RTN1: variants seen among roughly 807,000 people sequenced by gnomAD.
RTN1 encodes reticulon-1.
RTN1 carries 25 observed loss-of-function variants against 65.5 expected under a neutral mutation model. The observed-to-expected ratio is 0.38, with a 90% CI of 0.28 to 0.53. The LOEUF is 0.53. RTN1 is among the 20% of genes least tolerant of loss of function. RTN1 has a pLI of 0.79. For missense variants in RTN1, 983 were observed against 1,025.4 expected (o/e 0.96, Z 0.57); for synonymous variants, 471 against 447.6 (o/e 1.05, Z -0.66).
At chr14:59,667,148 C>G (rs1248208759) in intron 3 of RTN1, among the ~76,000 whole-genome samples, 1 of 126,546 alleles carries the variant, frequency 7.9e-6, no homozygotes, top group African/African-American at 3.1e-5. Context: ...CTGGCAAAGA[C>G]ACAACAAAAA....
intron 3 of RTN1, among the ~76,000 whole-genome samples, chr14:59,640,040 AG>A (rs934970464): frequency 6.6e-6 from 1 of 152,096 alleles, no homozygotes; most frequent in African/African-American, 2.4e-5. Flanking sequence ...TTTTTGTATT[AG>A]GTTTATACTG....
At chr14:59,852,970 G>T (rs1211557318) in intron 1 of RTN1, among the ~76,000 whole-genome samples, 3 of 152,092 alleles carry the variant, frequency 2.0e-5, no homozygotes, top group Non-Finnish European at 2.9e-5. Context: ...TATATTAAAC[G>T]CTTAATAAAT....
intron 1 of RTN1, among the ~76,000 whole-genome samples, chr14:59,855,846 G>A (rs1453237231): frequency 6.6e-6 from 1 of 152,156 alleles, no homozygotes; most frequent in Non-Finnish European, 1.5e-5. Flanking sequence ...TCAGAAAGGT[G>A]GAAGTCTAGG....
chr14:59,671,622 A>C (rs1234459647), intron 3 of RTN1, among the ~76,000 whole-genome samples: 4 of 152,198 alleles, frequency 2.6e-5, no homozygotes, highest in Non-Finnish European at 5.9e-5. Flanking sequence ...GGTAGAATCA[A>C]GTTTCAGACC....
intron 1 of RTN1, among the ~76,000 whole-genome samples, chr14:59,830,726 G>T (rs1309569571): frequency 6.6e-6 from 1 of 152,136 alleles, no homozygotes; most frequent in African/African-American, 2.4e-5. Flanking sequence ...ACATCTCTGT[G>T]CCTTAATTTT....
intron 3 of RTN1, among the ~76,000 whole-genome samples, chr14:59,671,125 G>A (rs886689797): frequency 1.3e-5 from 2 of 152,132 alleles, no homozygotes; most frequent in African/African-American, 4.8e-5. Context: ...GGAGGAGGGA[G>A]GGTTGTTATG....
intron 3 of RTN1, among the ~76,000 whole-genome samples, chr14:59,639,875 A>T (rs1346379937): frequency 6.6e-6 from 1 of 152,174 alleles, no homozygotes; most frequent in Non-Finnish European, 1.5e-5. Context: ...ATAACCTCAC[A>T]TGGCTTCTAT....
chr14:59,658,278 TCCCTGCAACAGAGCACCTGGGAGAA>T (rs1883167833), intron 3 of RTN1, among the ~76,000 whole-genome samples: 1 of 152,188 alleles, frequency 6.6e-6, no homozygotes, highest in Non-Finnish European at 1.5e-5. Context: ...AACTCCCAGT[TCCCTGCAACAGAGCACCTGGGAGAA>T]GGGGTGGCTG....
intron 8 of RTN1, 22 bp from the exon 9 acceptor site, chr14:59,596,809 G>A: frequency 1.3e-6 from 2 of 1,596,442 alleles, no homozygotes; most frequent in Admixed American, 1.7e-5. Flanking sequence ...GTATCAAAAG[G>A]TAGTAAATCA....
rs543514608 is a variant in RTN1 at position 59,870,678 on chromosome 14, C to A, written c.-48G>T. On this transcript the variant is annotated 5_prime_UTR_variant, in exon 1 of 9. Transcript: ENST00000267484. The surrounding 1 kb of genome is among the most constrained non-coding windows in gnomAD (Gnocchi z 5.1). ...CGACGGCGGCTTGGCTGGGCAGAGG[C>A]TCGGTGGCTGCGCGGGCGCTCCCTG... 4 of 1,316,964 alleles carry A rather than the reference C, an allele frequency of 3.0e-6. No individual in the cohort carries two copies. In the African/African-American group the frequency reaches 6.2e-5, roughly 20 times the overall value. 81.6% of individuals were successfully genotyped at this position (1,316,964 alleles called of 1,614,324 possible). A position where few individuals can be genotyped will look rare whatever the true frequency, so the allele number is the denominator to read the frequency against.
chr14:59,624,618 C>A (rs1006028361), intron 3 of RTN1, among the ~76,000 whole-genome samples: 1 of 152,138 alleles, frequency 6.6e-6, no homozygotes, highest in Non-Finnish European at 1.5e-5. Flanking sequence ...TGTGCCACCA[C>A]GCCTGACTAG....
At chr14:59,739,540 CA>C (rs34758637) in intron 2 of RTN1, among the ~76,000 whole-genome samples, 50,835 of 112,774 alleles carry the variant, frequency 0.45, 8,696 homozygotes, top group Middle Eastern at 0.56. Flanking sequence ...GACTCTGTCT[CA>C]AAAAAAAAAA....
At chr14:59,684,673 T>C (rs1394838966) in intron 3 of RTN1, among the ~76,000 whole-genome samples, 2 of 152,148 alleles carry the variant, frequency 1.3e-5, no homozygotes, top group Admixed American at 6.5e-5. Flanking sequence ...CTTCCCTGAA[T>C]TTAGTTTTGT....
intron 3 of RTN1, among the ~76,000 whole-genome samples, chr14:59,613,821 C>T (rs1882029637): frequency 2.0e-5 from 3 of 151,664 alleles, no homozygotes; most frequent in African/African-American, 7.3e-5. Context: ...AAAAAACCCT[C>T]TGATTTCCTT....
At chr14:59,867,107 A>G (rs1372418653) in intron 1 of RTN1, among the ~76,000 whole-genome samples, 4 of 152,192 alleles carry the variant, frequency 2.6e-5, no homozygotes, top group African/African-American at 9.6e-5. Flanking sequence ...CCATATATTA[A>G]GCAGTCAATG....
At chr14:59,826,100 C>T (rs1207390138) in intron 1 of RTN1, among the ~76,000 whole-genome samples, 2 of 152,068 alleles carry the variant, frequency 1.3e-5, no homozygotes, top group African/African-American at 4.8e-5. Context: ...TAGAAAAGCA[C>T]CAACAAGAAA....
Position 59,711,628 on chromosome 14 carries a change from A to T in RTN1, c.1765+15291T>A, listed in dbSNP as rs141838062. On this transcript the variant is annotated intron_variant, in intron 3 of 8. Transcript: ENST00000267484. ...ACTTATTTATTAAATGTTTATTAAG[A>T]CCCCACTACTCACTAGGCATCACTG... 1.8e-3 allele frequency among the ~76,000 whole-genome samples: 281 copies of T among 152,310 alleles called. 1 individual carries two copies. Among genetic ancestry groups the T allele is most frequent in the African/African-American group, 6.3e-3 (261 of 41,560 alleles).
intron 3 of RTN1, among the ~76,000 whole-genome samples, chr14:59,683,799 T>C (rs1883791001): frequency 6.6e-6 from 1 of 152,104 alleles, no homozygotes; most frequent in Non-Finnish European, 1.5e-5. Flanking sequence ...TTTTGGGCTT[T>C]TGTCTGCCAT....
chr14:59,749,238 CTA>C (rs1275499079), intron 1 of RTN1, among the ~76,000 whole-genome samples: 5 of 53,228 alleles, frequency 9.4e-5, no homozygotes, highest in South Asian at 4.8e-4. Context: ...CTATATATAT[CTA>C]TATATATCTA....
Sources: allele counts gnomAD v4.1 joint callset (sites outside exome capture counted in the v4.1 genomes callset), GRCh38; gene constraint gnomAD v4.1.1; non-coding constraint Gnocchi (gnomAD v3.1); transcripts MANE v1.5; gene names NCBI Gene and HGNC (gene_info 2026-07-23, HGNC 2026-07-21).